Variants in DENND10 observed in about 807,000 individuals in gnomAD.
DENND10 encodes DENN domain-containing protein 10.
DENND10 carries 24 observed loss-of-function variants against 43.6 expected under a neutral mutation model. The observed-to-expected ratio is 0.55, with a 90% CI of 0.40 to 0.77. The LOEUF (loss-of-function observed/expected upper bound fraction) is 0.77. Among genes scored for constraint, DENND10 ranks in the 30% least tolerant of loss-of-function variants. The pLI, the probability that DENND10 is intolerant of heterozygous loss-of-function variation, is 0.00. For missense variants in DENND10, 303 were observed against 429.9 expected (o/e 0.70, Z 2.61); for synonymous variants, 125 against 157.6 (o/e 0.79, Z 1.55).
chr10:119,117,723 T>A, intron 4 of DENND10, 56 bp downstream of exon 4: 1 of 1,570,096 alleles, frequency 6.4e-7, no homozygotes, highest in Non-Finnish European at 8.7e-7. Flanking sequence ...ATCCCAACAC[T>A]TTGGGAGGCC....
At chr10:119,130,674 GT>G (rs1335803130) in intron 7 of DENND10, among the ~76,000 whole-genome samples, 1 of 152,226 alleles carries the variant, frequency 6.6e-6, no homozygotes, top group South Asian at 2.1e-4. Context: ...GGAAGTTTCA[GT>G]CACGATATCC....
rs539141106 is a variant in DENND10 at position 119,117,735 on chromosome 10, A to G, written c.481+68A>G. The stretch of plus-strand genomic sequence containing the variant: ...GTAATCCCAACACTTTGGGAGGCCA[A>G]GGCGGGTGGATCACGAGGTCAGGAG... On this transcript the variant is annotated intron_variant, in intron 4 of 8. Transcript: ENST00000361432. The G allele has an allele frequency of 1.7e-3, 2,589 of 1,508,206 alleles. 6 individuals carry two copies. The highest frequency in any genetic ancestry group is 5.4e-3 in the Middle Eastern group (23 of 4,226). 93.4% of individuals were successfully genotyped at this position (1,508,206 alleles called of 1,614,324 possible). A position where few individuals can be genotyped will look rare whatever the true frequency, so the allele number is the denominator to read the frequency against.
chr10:119,136,122 G>A (rs897638205), intron 8 of DENND10, among the ~76,000 whole-genome samples: 2 of 152,184 alleles, frequency 1.3e-5, no homozygotes, highest in Admixed American at 1.3e-4. Flanking sequence ...AGGCTGCAGT[G>A]AGCCATGATT....
At chr10:119,112,465 ATTTTC>A (rs1157340249) in intron 3 of DENND10, among the ~76,000 whole-genome samples, 8 of 140,222 alleles carry the variant, frequency 5.7e-5, no homozygotes, top group Non-Finnish European at 1.3e-4. Context: ...ATACCAGTCT[ATTTTC>A]TTTTCTTTTT....
At chr10:119,106,442 T>TTGATCCTCCCACCTTAGCTTCC (rs1844700665) in intron 1 of DENND10, among the ~76,000 whole-genome samples, 1 of 152,122 alleles carries the variant, frequency 6.6e-6, no homozygotes, top group Non-Finnish European at 1.5e-5. Context: ...TTGGGCTAAC[T>TTGATCCTCCCACCTTAGCTTCC]TGATCCTCCC....
At position 119,123,456 on chromosome 10, in the gene DENND10, C is replaced by G; in HGVS notation, c.594-13C>G. 2 of 1,609,210 alleles carry G rather than the reference C, an allele frequency of 1.2e-6. No individual in the cohort carries two copies. The highest frequency in any genetic ancestry group is 1.7e-6 in the Non-Finnish European group (2 of 1,175,688). The stretch of plus-strand genomic sequence containing the variant: ...GACCAGCAACAACTTGAGTTCTTGC[C>G]TTGATTCCCCAGGACTCTGCCTGCC... On this transcript the variant is annotated splice_polypyrimidine_tract_variant and intron_variant, in intron 5 of 8. Transcript: ENST00000361432.
intron 8 of DENND10, among the ~76,000 whole-genome samples, chr10:119,135,622 C>CA (rs1846292292): frequency 6.6e-6 from 1 of 151,448 alleles, no homozygotes; most frequent in Admixed American, 6.6e-5. Context: ...AGTTAGACGG[C>CA]AGAATAGAGG....
chr10:119,112,267 G>T (rs1369503448), intron 3 of DENND10, among the ~76,000 whole-genome samples: 1 of 152,098 alleles, frequency 6.6e-6, no homozygotes, highest in Non-Finnish European at 1.5e-5. Flanking sequence ...CTTATGACAT[G>T]GTAAACTGGT....
intron 1 of DENND10, chr10:119,105,745 A>G (rs1048056588): frequency 6.4e-6 from 1 of 157,034 alleles, no homozygotes. Flanking sequence ...TCGTGTCTCT[A>G]CAAAAAATAC....
chr10:119,130,627 G>T (rs545713524), intron 7 of DENND10, among the ~76,000 whole-genome samples: 36 of 152,232 alleles, frequency 2.4e-4, no homozygotes, highest in South Asian at 2.1e-3. Flanking sequence ...CAGTTTTGGC[G>T]GATCAGGAAT....
chr10:119,117,958 T>A (rs1845379491), intron 4 of DENND10, among the ~76,000 whole-genome samples: 1 of 150,292 alleles, frequency 6.7e-6, no homozygotes, highest in Non-Finnish European at 1.5e-5. Flanking sequence ...CAGACGAGAC[T>A]CCGTCTCAAA....
Position 119,135,791 on chromosome 10 carries a change from T to TAAAAAAAAAAAAAAAAA in DENND10, c.898-671_898-655dup, listed in dbSNP as rs367836571. On this transcript the variant is annotated intron_variant, in intron 8 of 8. Coordinates refer to ENST00000361432, the MANE Select transcript of DENND10 (RefSeq NM_207009.4). ...TACACTCAGAAAATGACTAAAATTG[T>TAAAAAAAAAAAAAAAAA]AAAAAAAAAAAAAAAAAAAAAAAAA... Among the ~76,000 whole-genome samples the TAAAAAAAAAAAAAAAAA allele has an allele frequency of 1.9e-3, 120 of 64,000 alleles. 3 individuals carry two copies. Among genetic ancestry groups the TAAAAAAAAAAAAAAAAA allele is most frequent in the South Asian group, 5.1e-3 (6 of 1,182 alleles). 42.0% of individuals were successfully genotyped at this position (64,000 alleles called of 152,430 possible).
At chr10:119,115,530 G>A (rs1044952477) in intron 3 of DENND10, among the ~76,000 whole-genome samples, 18 of 110,926 alleles carry the variant, frequency 1.6e-4, no homozygotes, top group African/African-American at 5.2e-4. Flanking sequence ...TGGGACGACA[G>A]GCGCCCGCCA....
At chr10:119,118,152 A>G (rs1845389027) in intron 4 of DENND10, among the ~76,000 whole-genome samples, 2 of 152,154 alleles carry the variant, frequency 1.3e-5, no homozygotes, top group Non-Finnish European at 2.9e-5. Flanking sequence ...ATTTTCATTT[A>G]CATATTTTTC....
chr10:119,121,481 C>T (rs1845574986), intron 5 of DENND10, among the ~76,000 whole-genome samples: 2 of 135,432 alleles, frequency 1.5e-5, no homozygotes, highest in South Asian at 2.5e-4. Context: ...GGCAGAATCT[C>T]TCGCTTTGTC....
At chr10:119,135,650 A>AG (rs1268551672) in intron 8 of DENND10, among the ~76,000 whole-genome samples, 1 of 151,950 alleles carries the variant, frequency 6.6e-6, no homozygotes, top group African/African-American at 2.4e-5. Flanking sequence ...GGGCTAAGCG[A>AG]GGGGAAATGG....
intron 8 of DENND10, chr10:119,134,671 G>A (rs1846231217): frequency 6.6e-6 from 1 of 151,978 alleles, no homozygotes; most frequent in Non-Finnish European, 1.5e-5. Flanking sequence ...TGATTTTAAT[G>A]AGTGCTTTAG....
intron 7 of DENND10, among the ~76,000 whole-genome samples, chr10:119,131,337 A>C (rs1846078239): frequency 6.6e-6 from 1 of 152,200 alleles, no homozygotes; most frequent in Non-Finnish European, 1.5e-5. Flanking sequence ...AGGCGCCTCT[A>C]GTCCCAGCTA....
chr10:119,105,934 G>T (rs1487431611), intron 1 of DENND10, among the ~76,000 whole-genome samples: 1 of 152,154 alleles, frequency 6.6e-6, no homozygotes, highest in African/African-American at 2.4e-5. Flanking sequence ...GGTGGCTCAT[G>T]CCTGTAATCC....
Sources: gnomAD v4.1 joint callset for allele counts (sites outside exome capture counted in the v4.1 genomes callset) on GRCh38, gnomAD v4.1.1 for gene constraint, MANE v1.5 for transcripts, NCBI Gene and HGNC (gene_info 2026-07-23, HGNC 2026-07-21) for gene names.